RYR2: variants seen among roughly 807,000 people sequenced by gnomAD.
The protein encoded by RYR2 is cardiac muscle ryanodine receptor-calcium release channel.
In RYR2, 227 loss-of-function variants were observed where a neutral mutation model predicts 601.1. The observed-to-expected ratio is 0.38, with a 90% confidence interval of 0.34 to 0.42. The LOEUF (loss-of-function observed/expected upper bound fraction) is 0.42. RYR2 is among the 10% of genes least tolerant of loss of function. The probability of loss-of-function intolerance (pLI) is 1.00; values close to 1 mark genes in which losing one functional copy is unlikely to be tolerated. For missense variants in RYR2, 4,646 were observed against 6,156.5 expected, an observed-to-expected ratio of 0.75 and a Z score of 8.21; for synonymous variants, 2,223 against 2,175.1, an observed-to-expected ratio of 1.02 and a Z score of -0.61.
Position 237,709,638 on chromosome 1 carries a change from A to T in RYR2, c.10230+71A>T, listed in dbSNP as rs1176857220. The T allele has an allele frequency of 2.3e-5, 20 of 887,572 alleles. No homozygotes were observed. In the African/African-American group the frequency reaches 3.2e-4, roughly 14 times the overall value. The allele number at this position is 887,572 out of a possible 1,614,324, so 55.0% of individuals were successfully genotyped here. A position where few individuals can be genotyped will look rare whatever the true frequency, so the allele number is the denominator to read the frequency against. ...CCTGCTTACTTGCCTCCTAGGTTTC[A>T]TGTAACAGTTGAGGAGAGAGAATAG... On this transcript the variant is annotated intron_variant, in intron 70 of 104. Transcript: ENST00000366574.
At chr1:237,440,198 T>C (rs1182532015) in intron 12 of RYR2, among the ~76,000 whole-genome samples, 2 of 152,196 alleles carry the variant, frequency 1.3e-5, no homozygotes, top group Admixed American at 6.5e-5. Flanking sequence ...GCAAATGACA[T>C]GAAAAATCTG....
chr1:237,241,293 C>A (rs12041754), intron 1 of RYR2, among the ~76,000 whole-genome samples: 1 of 152,156 alleles, frequency 6.6e-6, no homozygotes, highest in African/African-American at 2.4e-5. Context: ...CATGATAAAA[C>A]GTGTCTTAGA....
At chr1:237,306,406 G>A (rs1455504225) in intron 2 of RYR2, among the ~76,000 whole-genome samples, 1 of 152,032 alleles carries the variant, frequency 6.6e-6, no homozygotes, top group African/African-American at 2.4e-5. Context: ...TAAAATACTC[G>A]TGTATGCAGT....
At chr1:237,722,621 A>G (rs1195595372) in intron 73 of RYR2, among the ~76,000 whole-genome samples, 1 of 151,696 alleles carries the variant, frequency 6.6e-6, no homozygotes, top group Admixed American at 6.6e-5. Flanking sequence ...TTTTAGTAGA[A>G]ACGGGGTTTC....
intron 1 of RYR2, among the ~76,000 whole-genome samples, chr1:237,128,041 A>C (rs1466304385): frequency 6.6e-6 from 1 of 152,062 alleles, no homozygotes; most frequent in African/African-American, 2.4e-5. Context: ...GGCGGCTGGG[A>C]GGTGGAGGTT....
At chr1:237,290,768 T>C (rs1390401835) in intron 2 of RYR2, among the ~76,000 whole-genome samples, 1 of 152,128 alleles carries the variant, frequency 6.6e-6, no homozygotes, top group Middle Eastern at 3.2e-3. Context: ...CTATCAAAAA[T>C]TATAAAGATT....
intron 1 of RYR2, 62 bp downstream of exon 1, chr1:237,042,631 G>A: frequency 4.0e-6 from 5 of 1,243,874 alleles, no homozygotes; most frequent in Non-Finnish European, 5.1e-6. Flanking sequence ...CCACTAGCGG[G>A]GTCCGGGCAG....
intron 8 of RYR2, among the ~76,000 whole-genome samples, chr1:237,387,040 A>G (rs1364777505): frequency 6.6e-6 from 1 of 152,248 alleles, no homozygotes; most frequent in Non-Finnish European, 1.5e-5. Context: ...GTATTCATTT[A>G]TGCATATTTT....
chr1:237,223,240 A>G (rs1440294657), intron 1 of RYR2, among the ~76,000 whole-genome samples: 1 of 152,228 alleles, frequency 6.6e-6, no homozygotes, highest in Non-Finnish European at 1.5e-5. Context: ...TGAGATGTCC[A>G]GGATCAAGGT....
At chr1:237,393,786 T>A (rs1413728226) in intron 10 of RYR2, among the ~76,000 whole-genome samples, 1 of 152,202 alleles carries the variant, frequency 6.6e-6, no homozygotes, top group Non-Finnish European at 1.5e-5. Flanking sequence ...AAACTTAAAC[T>A]CCTTGCTGAT....
intron 16 of RYR2, among the ~76,000 whole-genome samples, chr1:237,465,027 A>G (rs1392425164): frequency 6.6e-6 from 1 of 152,170 alleles, no homozygotes; most frequent in Non-Finnish European, 1.5e-5. Flanking sequence ...ATAATAATTC[A>G]CAGACTCCAT....
intron 16 of RYR2, 63 bp from the exon 17 acceptor site, chr1:237,469,029 A>T: frequency 2.2e-6 from 3 of 1,347,070 alleles, no homozygotes; most frequent in Non-Finnish European, 2.1e-6. Context: ...GCTGCATATT[A>T]GCTTATCTCA....
chr1:237,122,847 T>C lies in RYR2; in HGVS notation c.48+80278T>C, dbSNP rs1359756134. Among the ~76,000 whole-genome samples the C allele has an allele frequency of 9.3e-5, 4 of 42,810 alleles. No homozygotes were observed. In the East Asian group the frequency reaches 5.7e-3, roughly 61 times the overall value. The allele number at this position is 42,810 out of a possible 152,430, so 28.1% of individuals were successfully genotyped here. A position where few individuals can be genotyped will look rare whatever the true frequency, so the allele number is the denominator to read the frequency against. On this transcript the variant is annotated intron_variant, in intron 1 of 104. Coordinates refer to ENST00000366574, the MANE Select transcript of RYR2 (RefSeq NM_001035.3). ...AGCTATTTGTAAATGTGTCACCACC[T>C]TTTCAAATAATTTCCTTGAAGGTTA...
chr1:237,628,248 T>C (rs983333246), intron 41 of RYR2, among the ~76,000 whole-genome samples, 168 bp downstream of exon 41: 2 of 152,168 alleles, frequency 1.3e-5, no homozygotes, highest in African/African-American at 2.4e-5. Flanking sequence ...ACTTTAAGTT[T>C]TATGGTACAT....
intron 2 of RYR2, among the ~76,000 whole-genome samples, chr1:237,312,839 T>C (rs1305214334): frequency 1.3e-5 from 2 of 152,220 alleles, no homozygotes; most frequent in African/African-American, 2.4e-5. Flanking sequence ...CAAAATCTTT[T>C]TGTAATTGGT....
intron 1 of RYR2, among the ~76,000 whole-genome samples, chr1:237,168,145 ATTCATCTGTAATTGGGATTAG>A (rs1318406972): frequency 1.3e-5 from 2 of 152,188 alleles, no homozygotes; most frequent in Non-Finnish European, 2.9e-5. Flanking sequence ...GTGGCACACA[ATTCATCTGTAATTGGGATTAG>A]TAGCCCTGGC....
At chr1:237,477,278 C>G (rs1255202846) in intron 17 of RYR2, among the ~76,000 whole-genome samples, 2 of 152,126 alleles carry the variant, frequency 1.3e-5, no homozygotes, top group African/African-American at 2.4e-5. Flanking sequence ...GTAGTCCCTG[C>G]TACTCAGGAG....
At chr1:237,708,181 G>T (rs1007090522) in intron 68 of RYR2, among the ~76,000 whole-genome samples, 1 of 151,998 alleles carries the variant, frequency 6.6e-6, no homozygotes, top group Admixed American at 6.5e-5. Flanking sequence ...AATTCAGAAT[G>T]TTATATGTAT....
At chr1:237,240,214 G>A (rs116618064) in intron 1 of RYR2, among the ~76,000 whole-genome samples, 1,544 of 152,296 alleles carry the variant, frequency 0.01, 28 homozygotes, top group African/African-American at 0.035. Context: ...TTTGCCAGAA[G>A]AGTTATAATT....
Sources: gnomAD v4.1 joint callset for allele counts (sites outside exome capture counted in the v4.1 genomes callset) on GRCh38, gnomAD v4.1.1 for gene constraint, MANE v1.5 for transcripts, NCBI Gene and HGNC (gene_info 2026-07-23, HGNC 2026-07-21) for gene names.